PXDNL: variants seen among roughly 807,000 people sequenced by gnomAD.
PXDNL encodes probable oxidoreductase PXDNL.
Under a neutral mutation model 150.8 loss-of-function variants are expected in PXDNL, and 145 were observed. The ratio of observed to expected loss-of-function variants is 0.96; its 90% CI spans 0.84 to 1.10. The LOEUF (loss-of-function observed/expected upper bound fraction) is 1.10. PXDNL is among the 50% of genes least tolerant of loss of function. PXDNL has a pLI of 0.00. For missense variants in PXDNL, 2,087 were observed against 1,873.9 expected, an observed-to-expected ratio of 1.11 and a Z score of -2.10; for synonymous variants, 757 against 725.7, an observed-to-expected ratio of 1.04 and a Z score of -0.69.
chr8:51,339,523 T>C, intron 21 of PXDNL, 101 bp downstream of exon 21: 1 of 1,208,218 alleles, frequency 8.3e-7, no homozygotes, highest in Non-Finnish European at 1.2e-6. Context: ...TTTATTATTC[T>C]GATACTGTGC....
At chr8:51,582,701 T>C (rs899033969) in intron 3 of PXDNL, among the ~76,000 whole-genome samples, 1 of 152,190 alleles carries the variant, frequency 6.6e-6, no homozygotes, top group African/African-American at 2.4e-5. Flanking sequence ...ACTTCATCAA[T>C]TATGATAAAA....
chr8:51,532,923 G>T (rs1811936815), intron 4 of PXDNL, among the ~76,000 whole-genome samples: 2 of 152,004 alleles, frequency 1.3e-5, no homozygotes, highest in African/African-American at 4.8e-5. Flanking sequence ...CCGCTTTTTT[G>T]ATTAAGCCAC....
chr8:51,359,530 C>G (rs886118050), intron 19 of PXDNL, among the ~76,000 whole-genome samples: 7 of 150,534 alleles, frequency 4.7e-5, no homozygotes, highest in African/African-American at 1.5e-4. Flanking sequence ...GAGGGTAGAC[C>G]TAATGCTCAA....
At chr8:51,403,772 G>A (rs926451631) in intron 17 of PXDNL, among the ~76,000 whole-genome samples, 6 of 152,264 alleles carry the variant, frequency 3.9e-5, no homozygotes, top group African/African-American at 1.2e-4. Context: ...CGATGTTATG[G>A]TATTAATAAG....
intron 5 of PXDNL, among the ~76,000 whole-genome samples, chr8:51,488,316 G>A (rs35625086): frequency 0.013 from 1,990 of 152,302 alleles, 37 homozygotes; most frequent in Admixed American, 0.043. Context: ...TGAGGCAGGA[G>A]CAATCTGACT....
At chr8:51,321,234 A>C (rs957829211) in intron 21 of PXDNL, 1 of 180,898 alleles carries the variant, frequency 5.5e-6, no homozygotes, top group Non-Finnish European at 1.1e-5. Context: ...TGTAAATTCA[A>C]CTAATAAGTA....
At chr8:51,700,276 T>C (rs796604652) in intron 1 of PXDNL, among the ~76,000 whole-genome samples, 14 of 146,388 alleles carry the variant, frequency 9.6e-5, no homozygotes, top group South Asian at 2.3e-4. Context: ...CACACACACA[T>C]ATATACATAC....
chr8:51,577,054 A>T lies in PXDNL; in HGVS notation c.308+15573T>A, dbSNP rs918238045. On this transcript the variant is annotated intron_variant, in intron 3 of 22. Transcript: ENST00000356297. The stretch of plus-strand genomic sequence containing the variant: ...CAGGCTCATGTTGTGTCACTGAGGA[A>T]TTTTATCAGACATTTAATGACAAAT... Among the ~76,000 whole-genome samples the T allele has an allele frequency of 7.9e-5, 12 of 151,918 alleles. 1 individual carries two copies. The highest frequency in any genetic ancestry group is 2.2e-4 in the African/African-American group (9 of 41,442).
intron 12 of PXDNL, among the ~76,000 whole-genome samples, chr8:51,437,408 T>C (rs1384801118): frequency 6.6e-6 from 1 of 152,052 alleles, no homozygotes; most frequent in Non-Finnish European, 1.5e-5. Context: ...CAGACCAATA[T>C]CCCTGATGAA....
At chr8:51,346,962 T>C (rs998921382) in intron 19 of PXDNL, among the ~76,000 whole-genome samples, 1 of 152,076 alleles carries the variant, frequency 6.6e-6, no homozygotes, top group African/African-American at 2.4e-5. Context: ...AAACAGATGG[T>C]CTGGAAACTA....
At chr8:51,800,387 G>A (rs546682851) in intron 1 of PXDNL, among the ~76,000 whole-genome samples, 2 of 152,148 alleles carry the variant, frequency 1.3e-5, no homozygotes, top group Admixed American at 6.5e-5. Flanking sequence ...CTAATTCCAC[G>A]TGGTATATTC....
intron 17 of PXDNL, among the ~76,000 whole-genome samples, chr8:51,407,380 TAATA>T (rs1157795866): frequency 6.6e-6 from 1 of 152,214 alleles, no homozygotes; most frequent in African/African-American, 2.4e-5. Flanking sequence ...CTTAAAATAT[TAATA>T]AATATTAGTC....
intron 1 of PXDNL, among the ~76,000 whole-genome samples, chr8:51,680,706 C>G (rs1467897154): frequency 6.6e-6 from 1 of 152,168 alleles, no homozygotes; most frequent in Non-Finnish European, 1.5e-5. Context: ...GGTGGCCAGA[C>G]AGCGAGTCTC....
chr8:51,735,394 A>G (rs1044349187), intron 1 of PXDNL, among the ~76,000 whole-genome samples: 2 of 151,770 alleles, frequency 1.3e-5, no homozygotes, highest in Non-Finnish European at 2.9e-5. Context: ...CTGAGGCAGG[A>G]GCATCACTTG....
In PXDNL at chr8:51,809,413, AACC is replaced by A; in HGVS notation, c.-72_-70del. 1.4e-6 allele frequency: 2 copies of A among 1,426,082 alleles called. No homozygotes were observed. Among genetic ancestry groups the A allele is most frequent in the Middle Eastern group, 2.5e-4 (1 of 3,942 alleles). The allele number at this position is 1,426,082 out of a possible 1,614,324, so 88.3% of individuals were successfully genotyped here. On this transcript the variant is annotated 5_prime_UTR_variant, in exon 1 of 23. Transcript: ENST00000356297. Reference sequence around the variant, plus strand: ...GAGCAGCAGCTGCAGCTGCAGCAGCAACCGCAGTGGTGGTGATGGTGGCTGCTG... The same window carrying A: ...GAGCAGCAGCTGCAGCTGCAGCAGCAGCAGTGGTGGTGATGGTGGCTGCTG...
At chr8:51,472,521 T>C (rs1211737257) in intron 7 of PXDNL, among the ~76,000 whole-genome samples, 2 of 152,214 alleles carry the variant, frequency 1.3e-5, no homozygotes, top group Admixed American at 1.3e-4. Flanking sequence ...CAAAGGGATC[T>C]CCAATGAAGT....
chr8:51,525,784 G>A (rs1051296415), intron 4 of PXDNL, among the ~76,000 whole-genome samples: 12 of 152,206 alleles, frequency 7.9e-5, no homozygotes, highest in Admixed American at 7.9e-4. Flanking sequence ...CGCGATGATG[G>A]CAAGCAGACA....
intron 13 of PXDNL, among the ~76,000 whole-genome samples, chr8:51,425,885 A>G (rs1169902421): frequency 6.6e-6 from 1 of 152,072 alleles, no homozygotes; most frequent in African/African-American, 2.4e-5. Context: ...ACCTAAACTT[A>G]CTCTTCATAG....
At chr8:51,540,394 C>CT (rs762994002) in intron 4 of PXDNL, among the ~76,000 whole-genome samples, 26 of 152,120 alleles carry the variant, frequency 1.7e-4, no homozygotes, top group Non-Finnish European at 3.5e-4. Context: ...TCTACTTTCG[C>CT]TTTAGATATA....
Sources: allele counts gnomAD v4.1 joint callset (sites outside exome capture counted in the v4.1 genomes callset), GRCh38; gene constraint gnomAD v4.1.1; transcripts MANE v1.5; gene names NCBI Gene and HGNC (gene_info 2026-07-23, HGNC 2026-07-21).